Variants in C13orf46 observed in about 807,000 individuals in gnomAD.
C13orf46 encodes uncharacterized protein C13orf46.
chr13:113,972,059 C>T (rs1001469670), intron 1 of C13orf46, among the ~76,000 whole-genome samples: 8 of 152,286 alleles, frequency 5.3e-5, no homozygotes, highest in South Asian at 4.1e-4. Flanking sequence ...CACCTCCCAT[C>T]GTGCAGTTTT....
At chr13:113,944,498 G>C in the C13orf46 span, among the ~76,000 whole-genome samples, 3 of 152,134 alleles carry the variant, frequency 2.0e-5, no homozygotes, top group African/African-American at 7.2e-5. Context: ...GGCCCTGTAG[G>C]TGTGTGATGG....
At chr13:113,966,828 A>G (rs1566421890) in intron 5 of C13orf46, among the ~76,000 whole-genome samples, 1 of 152,010 alleles carries the variant, frequency 6.6e-6, no homozygotes, top group Non-Finnish European at 1.5e-5. Context: ...GATGATGATA[A>G]GCTTTCCTGG....
chr13:113,930,368 G>A, the C13orf46 span, among the ~76,000 whole-genome samples: 4 of 98,516 alleles, frequency 4.1e-5, no homozygotes, highest in South Asian at 2.4e-4. Context: ...GGGGGCGCAG[G>A]AGCACCGAGG....
chr13:113,963,226 C>CCCCCCTATCCTCA (rs2052602225), intron 6 of C13orf46, among the ~76,000 whole-genome samples: 6 of 145,442 alleles, frequency 4.1e-5, no homozygotes, highest in Non-Finnish European at 1.5e-5. Context: ...TCCTCAGCCT[C>CCCCCCTATCCTCA]GGCCCCTGTC....
At chr13:113,938,983 C>A in the C13orf46 span, among the ~76,000 whole-genome samples, 1 of 152,136 alleles carries the variant, frequency 6.6e-6, no homozygotes, top group African/African-American at 2.4e-5. Context: ...CACCCCCACC[C>A]CAGGCCCACG....
chr13:113,929,908 C>CAGGCTGCCAGGGAGCAGG, the C13orf46 span, among the ~76,000 whole-genome samples: 3 of 152,370 alleles, frequency 2.0e-5, no homozygotes, highest in South Asian at 6.2e-4. Flanking sequence ...ACACTGTCCT[C>CAGGCTGCCAGGGAGCAGG]AGGCTGCCAG....
Position 113,954,367 on chromosome 13 carries a change from G to A in C13orf46, c.*2406C>T, listed in dbSNP as rs1359021758. ...TATGAATATGCACGTGTGCGTGTCTGAACGAGAGGGCTCTGGGTGGATTCT... is the reference window on the plus strand; with the variant it reads ...TATGAATATGCACGTGTGCGTGTCTAAACGAGAGGGCTCTGGGTGGATTCT... On this transcript the variant is annotated 3_prime_UTR_variant, in exon 7 of 7. Coordinates refer to ENST00000636427, the MANE Select transcript of C13orf46 (RefSeq NM_001365455.2). 6.6e-6 allele frequency: 1 copy of A among 152,522 alleles called. No homozygotes were observed. Among genetic ancestry groups the A allele is most frequent in the Non-Finnish European group, 1.5e-5 (1 of 68,270 alleles). 9.4% of individuals were successfully genotyped at this position (152,522 alleles called of 1,614,324 possible).
chr13:113,941,861 T>C, the C13orf46 span, among the ~76,000 whole-genome samples: 1 of 152,216 alleles, frequency 6.6e-6, no homozygotes. Flanking sequence ...TCTGAGCAGT[T>C]CCTGCCACTG....
At chr13:113,945,680 A>AGAAAGAAAGGAAGGAAAG in the C13orf46 span, among the ~76,000 whole-genome samples, 1 of 92,642 alleles carries the variant, frequency 1.1e-5, no homozygotes, top group African/African-American at 4.0e-5. Context: ...AAGGAAAGAA[A>AGAAAGAAAGGAAGGAAAG]AACAAACCAA....
At chr13:113,938,643 C>T in the C13orf46 span, among the ~76,000 whole-genome samples, 96 of 152,166 alleles carry the variant, frequency 6.3e-4, no homozygotes, top group Non-Finnish European at 9.0e-4. Context: ...CCTGTTCAAG[C>T]GTCCTGGGGG....
the C13orf46 span, among the ~76,000 whole-genome samples, chr13:113,930,429 C>T: frequency 6.1e-5 from 9 of 148,752 alleles, no homozygotes; most frequent in African/African-American, 2.0e-4. Flanking sequence ...GAGGCGGGGG[C>T]GCGGGAGCAC....
chr13:113,950,843 C>T (rs2052485900), downstream of C13orf46, among the ~76,000 whole-genome samples: 1 of 152,226 alleles, frequency 6.6e-6, no homozygotes, highest in South Asian at 2.1e-4. Flanking sequence ...GAACCTTGCA[C>T]CCACCACAGC....
chr13:113,931,372 C>A, the C13orf46 span, among the ~76,000 whole-genome samples: 161 of 152,324 alleles, frequency 1.1e-3, no homozygotes, highest in African/African-American at 3.8e-3. Context: ...AGTGAGAGCA[C>A]CCCTTCTTCC....
At chr13:113,945,608 G>GAA in the C13orf46 span, among the ~76,000 whole-genome samples, 3 of 57,380 alleles carry the variant, frequency 5.2e-5, no homozygotes, top group East Asian at 5.3e-4. Context: ...AAAGAAAGAA[G>GAA]AAAGAAAGAA....
In C13orf46 at chr13:113,954,438, T is replaced by C; in HGVS notation, c.*2335A>G. ...CATGTCCTGGAGCCCCCCACACCCCTAGGAAGACTCCCTCTCCTCCTCTGA... is the reference window on the plus strand; with the variant it reads ...CATGTCCTGGAGCCCCCCACACCCCCAGGAAGACTCCCTCTCCTCCTCTGA... On this transcript the variant is annotated 3_prime_UTR_variant, in exon 7 of 7. Transcript: ENST00000636427. 1 of 152,472 alleles carries C rather than the reference T, an allele frequency of 6.6e-6. No individual in the cohort carries two copies. Among genetic ancestry groups the C allele is most frequent in the Non-Finnish European group, 1.5e-5 (1 of 68,158 alleles). 9.4% of individuals were successfully genotyped at this position (152,472 alleles called of 1,614,324 possible).
the C13orf46 span, among the ~76,000 whole-genome samples, chr13:113,946,929 C>A: frequency 6.6e-6 from 1 of 152,268 alleles, no homozygotes; most frequent in Non-Finnish European, 1.5e-5. Flanking sequence ...GCCTGGCACC[C>A]TTGGGGCCGA....
At chr13:113,965,947 A>ATGATGG (rs1252230470) in intron 5 of C13orf46, among the ~76,000 whole-genome samples, 1 of 148,534 alleles carries the variant, frequency 6.7e-6, no homozygotes, top group Non-Finnish European at 1.5e-5. Context: ...GATGGTGATG[A>ATGATGG]TGATGGTGAT....
chr13:113,955,892 A>C lies in C13orf46; in HGVS notation c.*881T>G. The C allele has an allele frequency of 6.4e-6, 1 of 155,440 alleles. No homozygotes were observed. The highest frequency in any genetic ancestry group is 1.4e-5 in the Non-Finnish European group (1 of 73,024). The allele number at this position is 155,440 out of a possible 1,614,324, so 9.6% of individuals were successfully genotyped here. Reference sequence around the variant, plus strand: ...AGGAGAGGAGGAGCATCCGGTGGAGAGGAGGAGCATCTCGCAGAGAGGAGG... The same window carrying C: ...AGGAGAGGAGGAGCATCCGGTGGAGCGGAGGAGCATCTCGCAGAGAGGAGG... On this transcript the variant is annotated 3_prime_UTR_variant, in exon 7 of 7. Transcript: ENST00000636427.
chr13:113,934,795 G>C, the C13orf46 span, among the ~76,000 whole-genome samples: 1 of 152,250 alleles, frequency 6.6e-6, no homozygotes, highest in African/African-American at 2.4e-5. Flanking sequence ...GGTCACACGG[G>C]AACTCCGCCA....
Sources: gnomAD v4.1 joint callset for allele counts (sites outside exome capture counted in the v4.1 genomes callset) on GRCh38, gnomAD v4.1.1 for gene constraint, MANE v1.5 for transcripts, NCBI Gene and HGNC (gene_info 2026-07-23, HGNC 2026-07-21) for gene names.